The following ARPC4 variants were observed in gnomAD, a reference collection of about 807,000 sequenced individuals.
The protein encoded by ARPC4 is actin related protein 2/3 complex subunit 4.
Under a neutral mutation model 22.8 loss-of-function variants are expected in ARPC4, and 3 were observed. The ratio of observed to expected loss-of-function variants is 0.13; its 90% confidence interval spans 0.06 to 0.34. The LOEUF (loss-of-function observed/expected upper bound fraction) is 0.34, where lower values mean the gene tolerates loss of function less well. Among genes scored for constraint, ARPC4 ranks in the 10% least tolerant of loss-of-function variants. The pLI is 1.00. For synonymous variants in ARPC4, 80 were observed against 72.5 expected (o/e 1.10, Z -0.52); for missense variants, 98 against 211.0 (o/e 0.46, Z 3.32).
At chr3:9,793,464 A>G (rs1044725777) in intron 1 of ARPC4, among the ~76,000 whole-genome samples, 2 of 152,210 alleles carry the variant, frequency 1.3e-5, no homozygotes, top group African/African-American at 4.8e-5. Flanking sequence ...CCTCTGAGGC[A>G]TGAAGCAAGT....
chr3:9,803,465 A>G, intron 4 of ARPC4: 1 of 461,462 alleles, frequency 2.2e-6, no homozygotes. Flanking sequence ...CCAGCAGAAA[A>G]AGACCCTTAA....
chr3:9,793,081 C>G, upstream of ARPC4: 5 of 1,545,772 alleles, frequency 3.2e-6, no homozygotes, highest in Non-Finnish European at 4.4e-6. Flanking sequence ...CGGGGCTGGC[C>G]ACTTCCGTAC....
At chr3:9,796,905 C>T (rs527318477) in intron 1 of ARPC4, among the ~76,000 whole-genome samples, 6 of 143,516 alleles carry the variant, frequency 4.2e-5, no homozygotes, top group Non-Finnish European at 7.5e-5. Flanking sequence ...CGTGCCACCG[C>T]GCTCCAGCCT....
intron 5 of ARPC4, among the ~76,000 whole-genome samples, 198 bp from the exon 6 acceptor site, chr3:9,806,012 A>G (rs1377436002): frequency 6.6e-6 from 1 of 152,178 alleles, no homozygotes; most frequent in Admixed American, 6.6e-5. Context: ...ATCTAGTGCT[A>G]GGCTTAGGGC....
chr3:9,797,346 C>T (rs938169731), intron 1 of ARPC4, among the ~76,000 whole-genome samples: 2 of 152,162 alleles, frequency 1.3e-5, no homozygotes, highest in Non-Finnish European at 2.9e-5. Context: ...GCCTGCAGTT[C>T]CCCTTCTTGC....
At chr3:9,794,422 C>A (rs2078834995) in intron 1 of ARPC4, among the ~76,000 whole-genome samples, 1 of 152,102 alleles carries the variant, frequency 6.6e-6, no homozygotes, top group African/African-American at 2.4e-5. Context: ...TGGCGTGAAC[C>A]CAGAAAGCAG....
intron 5 of ARPC4, 174 bp downstream of exon 5, chr3:9,804,187 G>C: frequency 1.6e-6 from 1 of 612,334 alleles, no homozygotes; most frequent in Non-Finnish European, 2.7e-6. Flanking sequence ...AGGACCCCAA[G>C]TTCATCTCTG....
At chr3:9,796,408 A>G (rs2078887513) in intron 1 of ARPC4, among the ~76,000 whole-genome samples, 2 of 152,214 alleles carry the variant, frequency 1.3e-5, no homozygotes, top group Non-Finnish European at 1.5e-5. Flanking sequence ...AATAAATATT[A>G]AGAAGACATG....
intron 1 of ARPC4, among the ~76,000 whole-genome samples, chr3:9,795,651 T>C (rs1464687787): frequency 6.6e-6 from 1 of 152,234 alleles, no homozygotes; most frequent in Admixed American, 6.5e-5. Context: ...ATCTTAATTA[T>C]TTCTTTCGCT....
intron 2 of ARPC4, chr3:9,799,942 G>A (rs1344866657): frequency 1.6e-6 from 1 of 623,996 alleles, no homozygotes; most frequent in Non-Finnish European, 3.0e-6. Context: ...TTCCAACAGG[G>A]TAACTTGCCC....
rs757767773 is a variant in ARPC4 at position 9,803,908 on chromosome 3, G to A, written c.396G>A (p.Val132=). 1.2e-6 allele frequency: 2 copies of A among 1,614,096 alleles called. No homozygotes were observed. The highest frequency in any genetic ancestry group is 1.3e-5 in the African/African-American group (1 of 74,940). Residue 132 remains valine, a synonymous_variant, in exon 5 of 6, where the codon GTG becomes GTA. Coordinates refer to ENST00000397261, the MANE Select transcript of ARPC4 (RefSeq NM_005718.5). ...AGCAGATGTACAAACACAAGTTGGT[G>A]GACTTTGTGATCCACTTCATGGAGG... is the stretch of plus-strand genomic sequence containing the variant. The part of the protein sequence containing the change: ...HTEQMYKHKL[V]DFVIHFMEEI...
intron 5 of ARPC4, among the ~76,000 whole-genome samples, chr3:9,805,450 A>G (rs569612671): frequency 3.5e-4 from 54 of 152,346 alleles, no homozygotes; most frequent in African/African-American, 1.2e-3. Context: ...AGGTGCATCC[A>G]AAGGTCGGGT....
Position 9,806,646 on chromosome 3 carries a change from T to TGCCC in ARPC4, c.*434_*435insCGCC, listed in dbSNP as rs2079111791. Reference sequence around the variant, plus strand: ...AAGGCGACTTATTTTTTCTCTCCTATGCCACCCCAGGTGGGGAGGGAGGGA... The same window carrying TGCCC: ...AAGGCGACTTATTTTTTCTCTCCTATGCCCGCCACCCCAGGTGGGGAGGGAGGGA... On this transcript the variant is annotated 3_prime_UTR_variant, in exon 6 of 6. Coordinates refer to ENST00000397261, the MANE Select transcript of ARPC4 (RefSeq NM_005718.5). 5.2e-6 allele frequency: 1 copy of TGCCC among 190,868 alleles called. No individual in the cohort carries two copies. Among genetic ancestry groups the TGCCC allele is most frequent in the African/African-American group, 2.4e-5 (1 of 42,018 alleles). 11.8% of individuals were successfully genotyped at this position (190,868 alleles called of 1,614,324 possible). A position where few individuals can be genotyped will look rare whatever the true frequency, so the allele number is the denominator to read the frequency against.
upstream of ARPC4, chr3:9,792,657 C>A: frequency 8.1e-7 from 1 of 1,232,068 alleles, no homozygotes; most frequent in Non-Finnish European, 1.0e-6. Context: ...AGCTTGGCGG[C>A]CGAGATCTCC....
intron 2 of ARPC4, 175 bp from the exon 3 acceptor site, chr3:9,800,010 T>A (rs2078974674): frequency 1.4e-6 from 1 of 707,800 alleles, no homozygotes; most frequent in South Asian, 1.5e-5. Flanking sequence ...CTTCAGAGCC[T>A]GTGCTCTTTC....
rs41278551 is a variant in ARPC4, at chr3:9,797,652, C to T, written c.4-7C>T. The T allele has an allele frequency of 6.2e-7, 1 of 1,612,876 alleles. No individual in the cohort carries two copies. ...ATCTTCCCTTTCCTCTGTGTTATTT[C>T]CTATAGACTGCCACTCTCCGCCCCT... On this transcript the variant is annotated splice_polypyrimidine_tract_variant and splice_region_variant and intron_variant, in intron 1 of 5. Transcript: ENST00000397261.
chr3:9,793,402 G>T (rs1415397750), intron 1 of ARPC4, among the ~76,000 whole-genome samples: 2 of 152,208 alleles, frequency 1.3e-5, no homozygotes, highest in African/African-American at 4.8e-5. Context: ...CCCGGAAGTG[G>T]GGTCTCCTAG....
intron 3 of ARPC4, 46 bp downstream of exon 3, chr3:9,800,342 C>A (rs2078982120): frequency 6.4e-7 from 1 of 1,567,062 alleles, no homozygotes; most frequent in South Asian, 1.1e-5. Context: ...TCTTTCAGTC[C>A]TTTCAGCCTC....
intron 1 of ARPC4, among the ~76,000 whole-genome samples, chr3:9,794,110 A>G (rs888519033): frequency 2.6e-5 from 4 of 152,016 alleles, no homozygotes; most frequent in Non-Finnish European, 4.4e-5. Context: ...TTAAAAGTTC[A>G]AGTTTATTGA....
Sources: allele counts gnomAD v4.1 joint callset (sites outside exome capture counted in the v4.1 genomes callset), GRCh38; gene constraint gnomAD v4.1.1; transcripts MANE v1.5; gene names NCBI Gene and HGNC (gene_info 2026-07-23, HGNC 2026-07-21).